Variants in SYNJ2BP observed in about 807,000 individuals in gnomAD.
SYNJ2BP encodes synaptojanin 2 binding protein.
A neutral mutation model predicts 16.9 loss-of-function variants in SYNJ2BP; 10 were observed. That is an observed-to-expected ratio of 0.59 (90% CI 0.36 to 1.00). The LOEUF is 1.00. SYNJ2BP is among the 50% of genes least tolerant of loss of function. The probability of loss-of-function intolerance (pLI) is 0.01; values close to 1 mark genes in which losing one functional copy is unlikely to be tolerated. For missense variants in SYNJ2BP, 162 were observed against 186.7 expected (o/e 0.87, Z 0.77); for synonymous variants, 54 against 68.4 (o/e 0.79, Z 1.04).
intron 2 of SYNJ2BP, among the ~76,000 whole-genome samples, chr14:70,382,894 T>C (rs1490350752): frequency 6.6e-6 from 1 of 152,222 alleles, no homozygotes; most frequent in Admixed American, 6.5e-5. Flanking sequence ...ATTAAGAATT[T>C]TGAATTGCCT....
intron 2 of SYNJ2BP, among the ~76,000 whole-genome samples, chr14:70,383,918 C>A (rs180927819): frequency 6.6e-6 from 1 of 151,484 alleles, no homozygotes; most frequent in African/African-American, 2.4e-5. Context: ...CTACAGTGAT[C>A]ATAAAAAATG....
At position 70,372,829 on chromosome 14, in the gene SYNJ2BP, T is replaced by C. The variant is rs1290726356; in HGVS notation, c.*162A>G. On this transcript the variant is annotated 3_prime_UTR_variant, in exon 4 of 4. Transcript: ENST00000256366. ...TCAAACAATACCTTTACTTTCCCAT[T>C]AGAATATGAAGAATTGGAGACTGTG... The C allele has an allele frequency of 6.6e-6, 7 of 1,055,152 alleles. 1 individual carries two copies. The Admixed American group carries it at 1.0e-4, about 15-fold the overall frequency. The allele number at this position is 1,055,152 out of a possible 1,614,324, so 65.4% of individuals were successfully genotyped here. A position where few individuals can be genotyped will look rare whatever the true frequency, so the allele number is the denominator to read the frequency against.
At chr14:70,414,715 G>A (rs1888564664) in intron 1 of SYNJ2BP, among the ~76,000 whole-genome samples, 1 of 152,118 alleles carries the variant, frequency 6.6e-6, no homozygotes, top group Non-Finnish European at 1.5e-5. Flanking sequence ...AATAACCGAA[G>A]ATATTTAGGA....
In SYNJ2BP at chr14:70,375,712, A is replaced by G. The variant is rs539996023; in HGVS notation, c.261T>C (p.Asn87=). 6.2e-7 allele frequency: 1 copy of G among 1,614,156 alleles called. No individual in the cohort carries two copies. Among genetic ancestry groups the G allele is most frequent in the Non-Finnish European group, 8.5e-7 (1 of 1,179,992 alleles). Residue 87 remains asparagine, a synonymous_variant, in exon 3 of 4, where the codon AAT becomes AAC. Coordinates refer to ENST00000256366, the MANE Select transcript of SYNJ2BP (RefSeq NM_018373.3). ...LHQDAVDLFR[N]AGYAVSLRVQ... ...CTCTCAGAGACACAGCATAGCCTGC[A>G]TTACGAAAGAGGTCTACAGCATCCT...
chr14:70,388,729 G>A (rs1887914950), intron 1 of SYNJ2BP, 123 bp from the exon 2 acceptor site: 1 of 1,317,368 alleles, frequency 7.6e-7, no homozygotes, highest in Non-Finnish European at 9.7e-7. Context: ...GGAGATGCTG[G>A]CGAGTCAGCC....
At position 70,370,070 on chromosome 14, in the gene SYNJ2BP, C is replaced by T. The variant is rs1250445710; in HGVS notation, c.*2921G>A. The T allele has an allele frequency of 6.6e-6, 1 of 152,164 alleles. No homozygotes were observed. The highest frequency in any genetic ancestry group is 1.5e-5 in the Non-Finnish European group (1 of 68,028). 9.4% of individuals were successfully genotyped at this position (152,164 alleles called of 1,614,324 possible). A position where few individuals can be genotyped will look rare whatever the true frequency, so the allele number is the denominator to read the frequency against. ...AACTGTATTACATTGATCTTCAATG[C>T]TACTTAATTTCTGAGAAAACCTAAG... On this transcript the variant is annotated 3_prime_UTR_variant, in exon 4 of 4. Coordinates refer to ENST00000256366, the MANE Select transcript of SYNJ2BP (RefSeq NM_018373.3).
intron 1 of SYNJ2BP, among the ~76,000 whole-genome samples, chr14:70,404,121 C>A (rs932593968): frequency 6.6e-6 from 1 of 151,962 alleles, no homozygotes; most frequent in East Asian, 1.9e-4. Context: ...AGGCCAGGAG[C>A]TCAAGACCAG....
In SYNJ2BP at chr14:70,401,653, T is replaced by C. The variant is rs562089394; in HGVS notation, c.65-13047A>G. Among the ~76,000 whole-genome samples, 10 of 152,056 alleles carry C rather than the reference T, an allele frequency of 6.6e-5. No homozygotes were observed. The South Asian group carries it at 2.1e-3, about 32-fold the overall frequency. Reference sequence around the variant, plus strand: ...AAAATATAAAACTTCACTGGCCTTTTACAAAATTTAAAATCTCCAGGCTCT... The same window carrying C: ...AAAATATAAAACTTCACTGGCCTTTCACAAAATTTAAAATCTCCAGGCTCT... On this transcript the variant is annotated intron_variant, in intron 1 of 3. Coordinates refer to ENST00000256366, the MANE Select transcript of SYNJ2BP (RefSeq NM_018373.3).
rs994667975 is a variant in SYNJ2BP, at chr14:70,369,759, G to A, written c.*3232C>T. On this transcript the variant is annotated 3_prime_UTR_variant, in exon 4 of 4. Transcript: ENST00000256366. ...TAACACATAAGTTGAAACTTCACAG[G>A]AAAACAAAGTACAGCTAGTTGAAGC... The A allele has an allele frequency of 2.0e-5, 3 of 152,108 alleles. No individual in the cohort carries two copies. Among genetic ancestry groups the A allele is most frequent in the African/African-American group, 7.2e-5 (3 of 41,412 alleles). The allele number at this position is 152,108 out of a possible 1,614,324, so 9.4% of individuals were successfully genotyped here. A position where few individuals can be genotyped will look rare whatever the true frequency, so the allele number is the denominator to read the frequency against.
intron 1 of SYNJ2BP, among the ~76,000 whole-genome samples, chr14:70,406,917 G>C (rs1199350019): frequency 6.6e-6 from 1 of 152,110 alleles, no homozygotes; most frequent in East Asian, 1.9e-4. Context: ...TTTCTCTATT[G>C]CAATTCCCTT....
At chr14:70,402,722 T>A (rs1009964161) in intron 1 of SYNJ2BP, among the ~76,000 whole-genome samples, 6 of 151,954 alleles carry the variant, frequency 3.9e-5, no homozygotes, top group African/African-American at 1.5e-4. Context: ...CCCTGGAAAC[T>A]GCAAATACTT....
intron 2 of SYNJ2BP, among the ~76,000 whole-genome samples, chr14:70,388,098 C>A (rs1263111084): frequency 6.6e-6 from 1 of 152,070 alleles, no homozygotes; most frequent in East Asian, 1.9e-4. Flanking sequence ...GGCTGACATT[C>A]CCCCAAAGGA....
chr14:70,394,143 T>C (rs1024408647), intron 1 of SYNJ2BP, among the ~76,000 whole-genome samples: 8 of 151,572 alleles, frequency 5.3e-5, no homozygotes, highest in Admixed American at 1.3e-4. Context: ...AAAAGAAACA[T>C]GGAGTTTTAA....
In SYNJ2BP at chr14:70,417,060, T is replaced by C. The variant is rs1354481690; in HGVS notation, c.-97A>G. ...GCGCTGCGCCCACAGCACAGCGGTTTCGGTTTCAGCAGCCTCGAGACCCGG... is the reference window on the plus strand; with the variant it reads ...GCGCTGCGCCCACAGCACAGCGGTTCCGGTTTCAGCAGCCTCGAGACCCGG... On this transcript the variant is annotated 5_prime_UTR_variant, in exon 1 of 4. Transcript: ENST00000256366. 2 of 1,591,726 alleles carry C rather than the reference T, an allele frequency of 1.3e-6. No homozygotes were observed. Among genetic ancestry groups the C allele is most frequent in the African/African-American group, 2.7e-5 (2 of 74,338 alleles).
intron 1 of SYNJ2BP, among the ~76,000 whole-genome samples, chr14:70,414,888 T>TC (rs1326662750): frequency 6.6e-6 from 1 of 152,206 alleles, no homozygotes; most frequent in Non-Finnish European, 1.5e-5. Flanking sequence ...GAAAAGTAAC[T>TC]TTCTATGTTA....
At chr14:70,376,520 G>A (rs1887634036) in intron 2 of SYNJ2BP, among the ~76,000 whole-genome samples, 1 of 152,192 alleles carries the variant, frequency 6.6e-6, no homozygotes, top group Non-Finnish European at 1.5e-5. Flanking sequence ...GCTGTATTCA[G>A]TGACACAGCA....
chr14:70,408,629 C>T (rs368859558), intron 1 of SYNJ2BP, among the ~76,000 whole-genome samples: 12 of 150,304 alleles, frequency 8.0e-5, no homozygotes, highest in Admixed American at 5.3e-4. Flanking sequence ...GCTGAGACTG[C>T]GCCACTGCAC....
chr14:70,401,397 A>C (rs1888231915), intron 1 of SYNJ2BP, among the ~76,000 whole-genome samples: 1 of 152,026 alleles, frequency 6.6e-6, no homozygotes, highest in Non-Finnish European at 1.5e-5. Context: ...GGAGTTTGAG[A>C]CCAGCCTGGG....
At chr14:70,386,794 A>G (rs189577302) in intron 2 of SYNJ2BP, among the ~76,000 whole-genome samples, 27 of 151,546 alleles carry the variant, frequency 1.8e-4, no homozygotes, top group African/African-American at 6.6e-4. Flanking sequence ...ATGAGAAGTA[A>G]TGTGAAAGGG....
Sources: allele counts gnomAD v4.1 joint callset (sites outside exome capture counted in the v4.1 genomes callset), GRCh38; gene constraint gnomAD v4.1.1; transcripts MANE v1.5; gene names NCBI Gene and HGNC (gene_info 2026-07-23, HGNC 2026-07-21).